The following SYNGR2 variants were observed in gnomAD, a reference collection of about 807,000 sequenced individuals.
SYNGR2 encodes the protein synaptogyrin 2.
SYNGR2 carries 11 observed loss-of-function variants against 18.7 expected under a neutral mutation model. That is an observed-to-expected ratio of 0.59 (90% CI 0.37 to 0.97). The LOEUF is 0.97. Ranked by LOEUF, SYNGR2 falls within the 50% of genes least tolerant of loss-of-function variation. The pLI is 0.01. For synonymous variants in SYNGR2, 127 were observed against 131.0 expected (o/e 0.97, Z 0.21); for missense variants, 253 against 300.7 (o/e 0.84, Z 1.17).
At chr17:78,168,753 A>T in intron 1 of SYNGR2, 38 bp downstream of exon 1, 8 of 1,186,682 alleles carry the variant, frequency 6.7e-6, no homozygotes, top group Non-Finnish European at 8.3e-6. Context: ...CACCCTGGGG[A>T]CCCCCTCTCC....
In SYNGR2 at chr17:78,171,213, G is replaced by T; in HGVS notation, c.337+159G>T. On this transcript the variant is annotated intron_variant, in intron 2 of 3. Coordinates refer to ENST00000225777, the MANE Select transcript of SYNGR2 (RefSeq NM_004710.7). This position sits in a 1 kb window ranked among gnomAD's most constrained non-coding sequence, Gnocchi z 6.6. ...TTTCAGCTAGTGTTTTTCCGTGCTT[G>T]AATGGCACCAGCCCTGCCTGGGGTA... The T allele has an allele frequency of 1.3e-6, 1 of 754,866 alleles. No homozygotes were observed. Among genetic ancestry groups the T allele is most frequent in the Non-Finnish European group, 2.1e-6 (1 of 470,390 alleles). 46.8% of individuals were successfully genotyped at this position (754,866 alleles called of 1,614,324 possible).
rs752963853 is a variant in SYNGR2 at position 78,170,905 on chromosome 17, G to T, written c.188G>T (p.Arg63Leu). ...AAGCAGATGTACTGCGTGTTCAACC[G>T]CAACGAGGATGCCTGCCGCTATGGC... ...ESKQMYCVFN[R>L]NEDACRYGSA... Residue 63 changes from arginine to leucine, a missense_variant, in exon 2 of 4, where the codon CGC becomes CTC. By Grantham distance (102) the Arg-to-Leu change is moderately radical. Coordinates refer to ENST00000225777, the MANE Select transcript of SYNGR2 (RefSeq NM_004710.7). 2.2e-5 allele frequency: 36 copies of T among 1,613,324 alleles called. No homozygotes were observed. Among genetic ancestry groups the T allele is most frequent in the Non-Finnish European group, 2.9e-5 (34 of 1,180,036 alleles).
In SYNGR2 at chr17:78,171,486, G is replaced by A. The variant is rs761846069; in HGVS notation, c.338-24G>A. 9.9e-6 allele frequency: 15 copies of A among 1,513,922 alleles called. No homozygotes were observed. Among genetic ancestry groups the A allele is most frequent in the Middle Eastern group, 1.8e-4 (1 of 5,576 alleles). The allele number at this position is 1,513,922 out of a possible 1,614,324, so 93.8% of individuals were successfully genotyped here. A position where few individuals can be genotyped will look rare whatever the true frequency, so the allele number is the denominator to read the frequency against. On this transcript the variant is annotated intron_variant, in intron 2 of 3. Transcript: ENST00000225777. The surrounding 1 kb of genome is among the most constrained non-coding windows in gnomAD (Gnocchi z 6.6). ...AAAGCCCCTCCCTTTCCATGGAACTGACGCTTCACCCGTCCTCCCCCAGCT... is the reference window on the plus strand; with the variant it reads ...AAAGCCCCTCCCTTTCCATGGAACTAACGCTTCACCCGTCCTCCCCCAGCT...
Position 78,170,912 on chromosome 17 carries a change from G to T in SYNGR2, c.195G>T (p.Glu65Asp), listed in dbSNP as rs766189128. Reference protein sequence around the residue: ...KQMYCVFNRNEDACRYGSAIG... With the variant: ...KQMYCVFNRNDDACRYGSAIG... Reference sequence around the variant, plus strand: ...TGTACTGCGTGTTCAACCGCAACGAGGATGCCTGCCGCTATGGCAGTGCCA... The same window carrying T: ...TGTACTGCGTGTTCAACCGCAACGATGATGCCTGCCGCTATGGCAGTGCCA... The change falls in exon 2 of 4, where the codon GAG becomes GAT. Residue 65 changes from glutamate (E) to aspartate (D), a missense_variant. Transcript: ENST00000225777. 1.5e-5 allele frequency: 25 copies of T among 1,613,426 alleles called. No individual in the cohort carries two copies. The highest frequency in any genetic ancestry group is 2.7e-5 in the African/African-American group (2 of 74,910).
Position 78,171,815 on chromosome 17 carries a change from C to G in SYNGR2, c.554C>G (p.Thr185Ser). Residue 185 changes from threonine to serine, a missense_variant, in exon 4 of 4, where the codon ACT (threonine) becomes AGT (serine). By Grantham distance (58) the Thr-to-Ser change is moderately conservative. Transcript: ENST00000225777. This position sits in a 1 kb window ranked among gnomAD's most constrained non-coding sequence, Gnocchi z 6.6. Reference sequence around the variant, plus strand: ...TTCATCCAGAATTACGTTGACCCCACTCCGGACCCCAACACTGCCTACGCC... The same window carrying G: ...TTCATCCAGAATTACGTTGACCCCAGTCCGGACCCCAACACTGCCTACGCC... ...DDFIQNYVDP[T>S]PDPNTAYASY... 2 of 1,614,146 alleles carry G rather than the reference C, an allele frequency of 1.2e-6. No homozygotes were observed. Among genetic ancestry groups the G allele is most frequent in the South Asian group, 2.2e-5 (2 of 91,084 alleles).
At chr17:78,169,395 C>T (rs879566881) in intron 1 of SYNGR2, among the ~76,000 whole-genome samples, 15 of 152,132 alleles carry the variant, frequency 9.9e-5, no homozygotes, top group African/African-American at 1.7e-4. Context: ...CTTCTGAGGT[C>T]CTCCAGGGCG....
chr17:78,172,591 G>C lies in SYNGR2; in HGVS notation c.*655G>C, dbSNP rs2075668539. The C allele has an allele frequency of 6.5e-6, 1 of 152,922 alleles. No homozygotes were observed. Among genetic ancestry groups the C allele is most frequent in the Non-Finnish European group, 1.5e-5 (1 of 68,558 alleles). The allele number at this position is 152,922 out of a possible 1,614,324, so 9.5% of individuals were successfully genotyped here. On this transcript the variant is annotated 3_prime_UTR_variant, in exon 4 of 4. Transcript: ENST00000225777. ...GTAAATATTCTGCAGTTGTTACTTA[G>C]GAAGCCTGGGGAGGGCAGGGGTGCC...
chr17:78,170,783 C>T, intron 1 of SYNGR2, 34 bp from the exon 2 acceptor site: 1 of 1,587,188 alleles, frequency 6.3e-7, no homozygotes, highest in Non-Finnish European at 8.6e-7. Context: ...CCTCAGGCGG[C>T]CACCAGCCCT....
Position 78,172,317 on chromosome 17 carries a change from C to T in SYNGR2, c.*381C>T. On this transcript the variant is annotated 3_prime_UTR_variant, in exon 4 of 4. Coordinates refer to ENST00000225777, the MANE Select transcript of SYNGR2 (RefSeq NM_004710.7). Reference sequence around the variant, plus strand: ...CGTGGGAGCCGCTATTATCTGCGTTCTCTGCCAAAGACTCGTGGGGGCCAT... The same window carrying T: ...CGTGGGAGCCGCTATTATCTGCGTTTTCTGCCAAAGACTCGTGGGGGCCAT... 1 of 462,416 alleles carries T rather than the reference C, an allele frequency of 2.2e-6. No homozygotes were observed. 28.6% of individuals were successfully genotyped at this position (462,416 alleles called of 1,614,324 possible).
In SYNGR2 at chr17:78,172,237, A is replaced by T; in HGVS notation, c.*301A>T. 1.5e-5 allele frequency: 9 copies of T among 596,946 alleles called. No homozygotes were observed. The highest frequency in any genetic ancestry group is 2.3e-5 in the Non-Finnish European group (8 of 349,862). 37.0% of individuals were successfully genotyped at this position (596,946 alleles called of 1,614,324 possible). A position where few individuals can be genotyped will look rare whatever the true frequency, so the allele number is the denominator to read the frequency against. On this transcript the variant is annotated 3_prime_UTR_variant, in exon 4 of 4. Transcript: ENST00000225777. ...CCGCCTGCAGTGGCTAGAAGCCAGCAGGTGCCCATGTGCTACTGACAAGTG... is the reference window on the plus strand; with the variant it reads ...CCGCCTGCAGTGGCTAGAAGCCAGCTGGTGCCCATGTGCTACTGACAAGTG...
intron 1 of SYNGR2, 50 bp from the exon 2 acceptor site, chr17:78,170,767 T>C: frequency 6.6e-7 from 1 of 1,515,276 alleles, no homozygotes; most frequent in Non-Finnish European, 9.1e-7. Context: ...CCCCGCTGTG[T>C]GTGCCCCTCA....
rs1235992539 is a variant in SYNGR2 at position 78,170,861 on chromosome 17, C to T, written c.144C>T (p.Tyr48=). Reference sequence around the variant, plus strand: ...TCTCCTGCATCTATGGTGAGGGCTACAGCAATGCCCACGAGTCTAAGCAGA... The same window carrying T: ...TCTCCTGCATCTATGGTGAGGGCTATAGCAATGCCCACGAGTCTAAGCAGA... ...IVFSCIYGEG[Y]SNAHESKQMY... Residue 48 remains tyrosine (Y), a synonymous_variant, in exon 2 of 4, where the codon TAC becomes TAT. Transcript: ENST00000225777. 2.5e-6 allele frequency: 4 copies of T among 1,613,214 alleles called. No homozygotes were observed. Among genetic ancestry groups the T allele is most frequent in the Admixed American group, 3.3e-5 (2 of 60,026 alleles).
rs1236696560 is a variant in SYNGR2 at position 78,171,967 on chromosome 17, A to G, written c.*31A>G. 6.2e-7 allele frequency: 1 copy of G among 1,608,856 alleles called. No individual in the cohort carries two copies. The highest frequency in any genetic ancestry group is 1.7e-5 in the Admixed American group (1 of 59,964). On this transcript the variant is annotated 3_prime_UTR_variant, in exon 4 of 4. Coordinates refer to ENST00000225777, the MANE Select transcript of SYNGR2 (RefSeq NM_004710.7). This position sits in a 1 kb window ranked among gnomAD's most constrained non-coding sequence, Gnocchi z 6.6. ...GGTTAGCGTGGGAAGGGGGACAGAG[A>G]GGGCCCTCCCCTCTGCCCTGGACTT... is the stretch of plus-strand genomic sequence containing the variant.
In SYNGR2 at chr17:78,172,069, G is replaced by C; in HGVS notation, c.*133G>C. On this transcript the variant is annotated 3_prime_UTR_variant, in exon 4 of 4. Coordinates refer to ENST00000225777, the MANE Select transcript of SYNGR2 (RefSeq NM_004710.7). ...TGTGCAGCTGACACACAGCTAAGGA[G>C]CCTCATAGCCTGGCGGGGGCTGGCA... is the stretch of plus-strand genomic sequence containing the variant. 6.7e-7 allele frequency: 1 copy of C among 1,495,650 alleles called. No homozygotes were observed. Among genetic ancestry groups the C allele is most frequent in the Non-Finnish European group, 8.9e-7 (1 of 1,125,464 alleles). The allele number at this position is 1,495,650 out of a possible 1,614,324, so 92.6% of individuals were successfully genotyped here.
In SYNGR2 at chr17:78,170,915, T is replaced by A; in HGVS notation, c.198T>A (p.Asp66Glu). The A allele has an allele frequency of 6.2e-7, 1 of 1,613,504 alleles. No individual in the cohort carries two copies. The highest frequency in any genetic ancestry group is 8.5e-7 in the Non-Finnish European group (1 of 1,180,036). ...QMYCVFNRNE[D>E]ACRYGSAIGV... ...ACTGCGTGTTCAACCGCAACGAGGA[T>A]GCCTGCCGCTATGGCAGTGCCATCG... Residue 66 changes from aspartate to glutamate, a missense_variant, in exon 2 of 4, where the codon GAT becomes GAA. Asp to Glu is a conservative substitution (Grantham distance 45). Transcript: ENST00000225777.
chr17:78,168,577 C>T (rs752828607), upstream of SYNGR2: 40 of 1,161,134 alleles, frequency 3.4e-5, no homozygotes, highest in Admixed American at 1.3e-4. Flanking sequence ...GGGCAGGTTC[C>T]TCTGCGTTCC....
rs1355809201 is a variant in SYNGR2 at position 78,172,352 on chromosome 17, C to T, written c.*416C>T. 1.1e-5 allele frequency: 4 copies of T among 361,322 alleles called. No homozygotes were observed. The highest frequency in any genetic ancestry group is 4.5e-5 in the South Asian group (1 of 22,016). 22.4% of individuals were successfully genotyped at this position (361,322 alleles called of 1,614,324 possible). ...GACTCGTGGGGGCCATCACACCTGC[C>T]CTGTGCAGCGGAGCCGGACCAGGCT... On this transcript the variant is annotated 3_prime_UTR_variant, in exon 4 of 4. Transcript: ENST00000225777.
In SYNGR2 at chr17:78,172,075, T is replaced by G. The variant is rs2075664058; in HGVS notation, c.*139T>G. The G allele has an allele frequency of 6.7e-7, 1 of 1,486,612 alleles. No homozygotes were observed. 92.1% of individuals were successfully genotyped at this position (1,486,612 alleles called of 1,614,324 possible). ...GCTGACACACAGCTAAGGAGCCTCA[T>G]AGCCTGGCGGGGGCTGGCAGAGCCA... On this transcript the variant is annotated 3_prime_UTR_variant, in exon 4 of 4. Transcript: ENST00000225777.
chr17:78,168,830 T>C, intron 1 of SYNGR2, 115 bp downstream of exon 1: 1 of 923,788 alleles, frequency 1.1e-6, no homozygotes, highest in Non-Finnish European at 1.4e-6. Context: ...GTCCGGGGCC[T>C]GGCGGCGAGC....
Sources: allele counts gnomAD v4.1 joint callset (sites outside exome capture counted in the v4.1 genomes callset), GRCh38; gene constraint gnomAD v4.1.1; non-coding constraint Gnocchi (gnomAD v3.1); transcripts MANE v1.5; gene names NCBI Gene and HGNC (gene_info 2026-07-23, HGNC 2026-07-21).